SH2D6: variants seen among roughly 807,000 people sequenced by gnomAD.
SH2D6 encodes the protein SH2 domain containing 6, also known as SH2 domain-containing protein 6.
Under a neutral mutation model 30.2 loss-of-function variants are expected in SH2D6, and 31 were observed. The observed-to-expected ratio is 1.03, with a 90% CI of 0.77 to 1.38. The LOEUF (loss-of-function observed/expected upper bound fraction) is 1.38, where lower values mean the gene tolerates loss of function less well. SH2D6 is among the 40% of genes most tolerant of loss of function. SH2D6 has a pLI of 0.00. For synonymous variants in SH2D6, 93 were observed against 104.6 expected (o/e 0.89, Z 0.68); for missense variants, 240 against 266.8 (o/e 0.90, Z 0.70).
intron 13 of SH2D6, among the ~76,000 whole-genome samples, chr2:85,431,653 C>G (rs951159188): frequency 6.6e-6 from 1 of 152,200 alleles, no homozygotes; most frequent in South Asian, 2.1e-4. Flanking sequence ...CACCTTTATC[C>G]CAGTGGGACT....
intron 23 of SH2D6, 38 bp downstream of exon 23, chr2:85,436,632 C>CG: frequency 6.7e-7 from 1 of 1,487,542 alleles, no homozygotes; most frequent in Non-Finnish European, 9.4e-7. Context: ...CTTCTTGTCC[C>CG]GCCCCACCTT....
At chr2:85,426,226 C>T (rs1418790112) in intron 6 of SH2D6, among the ~76,000 whole-genome samples, 17 of 152,272 alleles carry the variant, frequency 1.1e-4, no homozygotes, top group African/African-American at 3.9e-4. Flanking sequence ...CCACGGGTCC[C>T]GGCTACACTT....
intron 17 of SH2D6, 25 bp downstream of exon 17, chr2:85,434,136 C>T: frequency 6.5e-7 from 1 of 1,548,228 alleles, no homozygotes; most frequent in Non-Finnish European, 8.7e-7. Context: ...AGGTGTGCAC[C>T]TGTGTGTATG....
chr2:85,423,753 G>A lies in SH2D6; in HGVS notation c.-309+1063G>A, dbSNP rs375744891. On this transcript the variant is annotated intron_variant, in intron 5 of 23. Coordinates refer to ENST00000469800, the MANE Select transcript of SH2D6 (RefSeq NM_001394463.1). ...CAGCAGACCTGTGACAGCAGCAGGCGAGGGAGGAAGAGGGGCCTCTGCTAG... is the reference window on the plus strand; with the variant it reads ...CAGCAGACCTGTGACAGCAGCAGGCAAGGGAGGAAGAGGGGCCTCTGCTAG... 2.6e-4 allele frequency among the ~76,000 whole-genome samples: 39 copies of A among 152,354 alleles called. No individual in the cohort carries two copies. In the South Asian group the frequency reaches 7.3e-3, roughly 28 times the overall value.
At chr2:85,431,542 C>T (rs1688652447) in intron 13 of SH2D6, among the ~76,000 whole-genome samples, 1 of 152,170 alleles carries the variant, frequency 6.6e-6, no homozygotes, top group Non-Finnish European at 1.5e-5. Context: ...GGGAGGGGCT[C>T]AGCTGCCCTT....
chr2:85,425,985 A>G (rs1053027938), intron 6 of SH2D6, among the ~76,000 whole-genome samples: 1 of 152,210 alleles, frequency 6.6e-6, no homozygotes, highest in Non-Finnish European at 1.5e-5. Flanking sequence ...ACGAGGATTC[A>G]TGAGGCGGAG....
intron 2 of SH2D6, chr2:85,421,554 G>C (rs1687751304): frequency 6.6e-6 from 1 of 152,270 alleles, no homozygotes; most frequent in African/African-American, 2.4e-5. Context: ...CTGTGTGCCA[G>C]ACTGTGGGCC....
At chr2:85,428,883 C>A (rs1688293316) in intron 7 of SH2D6, among the ~76,000 whole-genome samples, 186 bp downstream of exon 7, 2 of 152,166 alleles carry the variant, frequency 1.3e-5, no homozygotes, top group South Asian at 4.1e-4. Context: ...CTTCATTTTC[C>A]TACGGCATCT....
intron 14 of SH2D6, among the ~76,000 whole-genome samples, chr2:85,432,344 T>G (rs1688783832): frequency 1.3e-5 from 2 of 151,136 alleles, no homozygotes; most frequent in Non-Finnish European, 1.5e-5. Context: ...GCCTCCCGGG[T>G]TCAAGCGATT....
intron 5 of SH2D6, among the ~76,000 whole-genome samples, chr2:85,424,132 C>T (rs1345015782): frequency 6.6e-6 from 1 of 152,260 alleles, no homozygotes; most frequent in Non-Finnish European, 1.5e-5. Context: ...GCCCTAACCT[C>T]ATGTTCAGAA....
At chr2:85,435,265 C>A in intron 20 of SH2D6, 142 bp downstream of exon 20, 4 of 1,247,890 alleles carry the variant, frequency 3.2e-6, no homozygotes, top group Admixed American at 2.2e-5. Flanking sequence ...CCGCCGTGCC[C>A]CAGACAGGGA....
chr2:85,430,295 G>GAGCTGTCA lies in SH2D6; in HGVS notation c.65-67_65-66insCTGTCAAG, dbSNP rs147978212. On this transcript the variant is annotated intron_variant, in intron 10 of 23. Transcript: ENST00000469800. The surrounding 1 kb of genome is among the most constrained non-coding windows in gnomAD (Gnocchi z 4.3). ...GTGGTTCCTTTGAGTTGAAGCACTG[G>GAGCTGTCA]AGGGCGGGTGGTTTATTATACTGGG... The GAGCTGTCA allele has an allele frequency of 0.12, 18,582 of 152,726 alleles. 1,278 individuals are homozygous for GAGCTGTCA. The highest frequency in any genetic ancestry group is 0.16 in the African/African-American group (6,495 of 41,490). The allele number at this position is 152,726 out of a possible 1,614,324, so 9.5% of individuals were successfully genotyped here.
At chr2:85,431,482 C>T (rs2104917966) in intron 13 of SH2D6, among the ~76,000 whole-genome samples, 1 of 152,282 alleles carries the variant, frequency 6.6e-6, no homozygotes, top group South Asian at 2.1e-4. Flanking sequence ...TCCTTCCAGC[C>T]TCCCCTTCAG....
chr2:85,436,727 C>T, intron 23 of SH2D6, 110 bp from the exon 24 acceptor site: 2 of 694,318 alleles, frequency 2.9e-6, no homozygotes, highest in South Asian at 1.7e-5. Flanking sequence ...GGAAAGCCTG[C>T]CTGGAGGCCC....
At chr2:85,434,682 A>T in intron 19 of SH2D6, 185 bp downstream of exon 19, 1 of 1,337,732 alleles carries the variant, frequency 7.5e-7, no homozygotes, top group Non-Finnish European at 9.9e-7. Context: ...TGGTCCTGCC[A>T]GGGCCTGCCC....
chr2:85,434,818 A>T (rs1313610558), intron 19 of SH2D6: 2 of 1,460,570 alleles, frequency 1.4e-6, no homozygotes, highest in African/African-American at 2.9e-5. Flanking sequence ...GCCTGCACCA[A>T]ATCAGGAAGC....
intron 20 of SH2D6, 46 bp from the exon 21 acceptor site, chr2:85,435,367 G>T: frequency 6.3e-7 from 1 of 1,599,834 alleles, no homozygotes; most frequent in Non-Finnish European, 8.5e-7. Context: ...CCGCATGCCT[G>T]ATTGAGTGCC....
chr2:85,436,643 G>T, intron 23 of SH2D6, 49 bp downstream of exon 23: 3 of 1,395,612 alleles, frequency 2.1e-6, no homozygotes, highest in Non-Finnish European at 2.0e-6. Flanking sequence ...GCCCCACCTT[G>T]GGCTGTCTTC....
At chr2:85,427,337 A>G (rs1438127966) in intron 6 of SH2D6, among the ~76,000 whole-genome samples, 2 of 152,230 alleles carry the variant, frequency 1.3e-5, no homozygotes, top group African/African-American at 4.8e-5. Flanking sequence ...GAGCAATTCC[A>G]TGCCAAAGAT....
Sources: gnomAD v4.1 joint callset for allele counts (sites outside exome capture counted in the v4.1 genomes callset) on GRCh38, gnomAD v4.1.1 for gene constraint, Gnocchi (gnomAD v3.1) non-coding constraint, MANE v1.5 for transcripts, NCBI Gene and HGNC (gene_info 2026-07-23, HGNC 2026-07-21) for gene names.